The following CFH variants were observed in gnomAD, a reference collection of about 807,000 sequenced individuals.
The protein encoded by CFH is complement factor H.
CFH carries 53 observed loss-of-function variants against 147.3 expected under a neutral mutation model. The observed-to-expected ratio is 0.36, with a 90% CI of 0.29 to 0.45. CFH has a LOEUF of 0.45. Ranked by LOEUF, CFH falls within the 20% of genes least tolerant of loss-of-function variation. CFH has a pLI of 1.00. For missense variants in CFH, 1,380 were observed against 1,498.0 expected (o/e 0.92, Z 1.30); for synonymous variants, 536 against 489.4 (o/e 1.10, Z -1.26).
rs541518410 is a variant in CFH at position 196,679,473 on chromosome 1, A to C, written c.620-150A>C. On this transcript the variant is annotated intron_variant, in intron 5 of 21. Transcript: ENST00000367429. ...AATTTTAACTTTCTTCAGATAAATC[A>C]TTTATTAAGCGGTCAAGTCAAAACA... The C allele has an allele frequency of 4.0e-5, 22 of 554,536 alleles. No homozygotes were observed. The East Asian group carries it at 6.6e-4, about 17-fold the overall frequency. The allele number at this position is 554,536 out of a possible 1,614,324, so 34.4% of individuals were successfully genotyped here.
chr1:196,722,180 G>A (rs1473084865), intron 11 of CFH, among the ~76,000 whole-genome samples: 2 of 152,020 alleles, frequency 1.3e-5, no homozygotes, highest in African/African-American at 2.4e-5. Flanking sequence ...ATGATAGTGA[G>A]TATTGACCAT....
At chr1:196,668,475 T>C (rs535460456) in intron 1 of CFH, among the ~76,000 whole-genome samples, 1 of 152,308 alleles carries the variant, frequency 6.6e-6, no homozygotes, top group South Asian at 2.1e-4. Context: ...GTCTGTGATA[T>C]GGTTTGGCTC....
Position 196,740,812 on chromosome 1 carries a change from A to T in CFH, c.2956+20A>T, listed in dbSNP as rs1252986331. The T allele has an allele frequency of 5.6e-6, 9 of 1,607,902 alleles. No homozygotes were observed. Among genetic ancestry groups the T allele is most frequent in the African/African-American group, 1.3e-5 (1 of 74,784 alleles). Reference sequence around the variant, plus strand: ...GCATAAGTATGGTGCATTGAATTTTATTATATGTATGATAAATATTCTTCA... The same window carrying T: ...GCATAAGTATGGTGCATTGAATTTTTTTATATGTATGATAAATATTCTTCA... On this transcript the variant is annotated intron_variant, in intron 18 of 21. Transcript: ENST00000367429.
At chr1:196,713,115 T>C (rs1668763160) in intron 9 of CFH, among the ~76,000 whole-genome samples, 1 of 152,090 alleles carries the variant, frequency 6.6e-6, no homozygotes, top group African/African-American at 2.4e-5. Flanking sequence ...TATCATCAGT[T>C]AACAGAAACA....
chr1:196,746,434 A>G (rs397834631), intron 21 of CFH, among the ~76,000 whole-genome samples: 2 of 152,336 alleles, frequency 1.3e-5, no homozygotes, highest in South Asian at 4.1e-4. Context: ...CTGGGTGACA[A>G]AGCGAGACTC....
intron 1 of CFH, among the ~76,000 whole-genome samples, chr1:196,667,683 T>C (rs1667146343): frequency 6.6e-6 from 1 of 152,174 alleles, no homozygotes; most frequent in Non-Finnish European, 1.5e-5. Flanking sequence ...TTATATTTAA[T>C]GTAATTACTG....
rs1006129296 is a variant in CFH, at chr1:196,745,242, T to C, written c.3311-575T>C. 5.7e-4 allele frequency among the ~76,000 whole-genome samples: 86 copies of C among 152,160 alleles called. 3 individuals are homozygous for C. Among genetic ancestry groups the C allele is most frequent in the Non-Finnish European group, 1.5e-5 (1 of 68,016 alleles). ...TGGGAAGTTTTCAGGCATCATTTTA[T>C]TTATTCATTTTTCCAGCCCAATATC... is the stretch of plus-strand genomic sequence containing the variant. On this transcript the variant is annotated intron_variant, in intron 20 of 21. Transcript: ENST00000367429.
At chr1:196,675,556 T>C (rs1667425689) in intron 3 of CFH, among the ~76,000 whole-genome samples, 1 of 152,188 alleles carries the variant, frequency 6.6e-6, no homozygotes. Flanking sequence ...TATGGTATTT[T>C]TAGCTTTTGT....
Position 196,685,884 on chromosome 1 carries a change from A to T in CFH, c.964+647A>T, listed in dbSNP as rs570967720. On this transcript the variant is annotated intron_variant, in intron 7 of 21. Coordinates refer to ENST00000367429, the MANE Select transcript of CFH (RefSeq NM_000186.4). ...CCATGTATTAGTGTGTTCTCACACTACTAGAAAGAACTACCTGAGACTGGA... is the reference window on the plus strand; with the variant it reads ...CCATGTATTAGTGTGTTCTCACACTTCTAGAAAGAACTACCTGAGACTGGA... Among the ~76,000 whole-genome samples the T allele has an allele frequency of 1.4e-4, 21 of 152,242 alleles. 1 individual carries two copies. In the East Asian group the frequency reaches 3.9e-3, roughly 28 times the overall value.
chr1:196,688,547 T>A (rs1236932289), intron 7 of CFH, among the ~76,000 whole-genome samples: 18 of 152,168 alleles, frequency 1.2e-4, no homozygotes, highest in Admixed American at 1.2e-3. Flanking sequence ...AAAGAAAAAT[T>A]TTTGTGTTTC....
intron 6 of CFH, 107 bp from the exon 7 acceptor site, chr1:196,684,957 T>C (rs1667775772): frequency 2.3e-6 from 2 of 851,718 alleles, no homozygotes; most frequent in East Asian, 5.3e-5. Flanking sequence ...CCATTTTGTA[T>C]TATGCTAAGG....
At chr1:196,692,316 CTT>C (rs1237459975) in intron 9 of CFH, 1 of 528,334 alleles carries the variant, frequency 1.9e-6, no homozygotes, top group African/African-American at 2.1e-5. Context: ...TCATCAGTCT[CTT>C]TTTTGTCTCA....
At chr1:196,742,648 C>G (rs1278230770) in intron 19 of CFH, among the ~76,000 whole-genome samples, 2 of 152,084 alleles carry the variant, frequency 1.3e-5, no homozygotes, top group Non-Finnish European at 1.5e-5. Flanking sequence ...AAATAAAATT[C>G]CGTAAGCTCA....
chr1:196,699,842 A>G (rs1039732573), intron 9 of CFH, among the ~76,000 whole-genome samples: 1 of 152,212 alleles, frequency 6.6e-6, no homozygotes, highest in Admixed American at 6.5e-5. Flanking sequence ...GTAAAATTCA[A>G]CTAGGCTTGT....
chr1:196,662,008 C>A (rs1173329701), intron 1 of CFH, among the ~76,000 whole-genome samples: 1 of 152,164 alleles, frequency 6.6e-6, no homozygotes, highest in Non-Finnish European at 1.5e-5. Flanking sequence ...CAGGATGGAA[C>A]TCACAGGAAA....
rs1667569765 is a variant in CFH at position 196,679,266 on chromosome 1, G to C, written c.620-357G>C. 3.4e-5 allele frequency: 6 copies of C among 175,894 alleles called. 1 individual carries two copies. The South Asian group carries it at 6.0e-4, about 18-fold the overall frequency. The allele number at this position is 175,894 out of a possible 1,614,324, so 10.9% of individuals were successfully genotyped here. On this transcript the variant is annotated intron_variant, in intron 5 of 21. Transcript: ENST00000367429. ...ACAAAAAGTCCTGTTGATAATTCCT[G>C]TCTTATCAATAACTAGAAGATGTGT...
rs1275087333 is a variant in CFH at position 196,658,667 on chromosome 1, T to TGCC, written c.58+6494_58+6496dup. Among the ~76,000 whole-genome samples the TGCC allele has an allele frequency of 3.9e-5, 6 of 152,070 alleles. No homozygotes were observed. In the East Asian group the frequency reaches 1.2e-3, roughly 30 times the overall value. ...CTCCTGACCTCGTGATCTGGTGATCTGCCGGCCTTGGCCTCCCAAAGTGCT... is the reference window on the plus strand; with the variant it reads ...CTCCTGACCTCGTGATCTGGTGATCTGCCGCCGGCCTTGGCCTCCCAAAGTGCT... On this transcript the variant is annotated intron_variant, in intron 1 of 21. Transcript: ENST00000367429.
intron 9 of CFH, among the ~76,000 whole-genome samples, chr1:196,696,942 G>A (rs956032957): frequency 9.2e-5 from 14 of 152,134 alleles, no homozygotes; most frequent in African/African-American, 3.4e-4. Context: ...TGGGAAAACA[G>A]GCTAGCCATA....
At chr1:196,707,583 G>T (rs33915960) in intron 9 of CFH, among the ~76,000 whole-genome samples, 35,630 of 151,982 alleles carry the variant, frequency 0.23, 4,917 homozygotes, top group African/African-American at 0.36. Context: ...CCTCTGTTCA[G>T]CTTGAAGGAC....
Sources: gnomAD v4.1 joint callset for allele counts (sites outside exome capture counted in the v4.1 genomes callset) on GRCh38, gnomAD v4.1.1 for gene constraint, MANE v1.5 for transcripts, NCBI Gene and HGNC (gene_info 2026-07-23, HGNC 2026-07-21) for gene names.